Variants in ANK2 observed in about 807,000 individuals in gnomAD.
ANK2 encodes the protein ankyrin 2, also known as ankyrin-2.
In ANK2, 83 loss-of-function variants were observed where a neutral mutation model predicts 360.5. That is an observed-to-expected ratio of 0.23 (90% CI 0.19 to 0.28). The LOEUF is 0.28. Ranked by LOEUF, ANK2 falls within the 10% of genes least tolerant of loss-of-function variation. ANK2 has a pLI of 1.00. For synonymous variants in ANK2, 1,740 were observed against 1,759.5 expected, an observed-to-expected ratio of 0.99 and a Z score of 0.28; for missense variants, 4,201 against 4,795.7, an observed-to-expected ratio of 0.88 and a Z score of 3.66.
At chr4:113,044,157 G>A (rs1384061131) in intron 2 of ANK2, among the ~76,000 whole-genome samples, 1 of 152,162 alleles carries the variant, frequency 6.6e-6, no homozygotes, top group Non-Finnish European at 1.5e-5. Context: ...TAGGCTAGCT[G>A]TTTTCATAAA....
intron 2 of ANK2, among the ~76,000 whole-genome samples, chr4:113,043,470 T>A (rs921655799): frequency 1.3e-5 from 2 of 151,916 alleles, no homozygotes; most frequent in African/African-American, 2.4e-5. Context: ...AGGGTCTCAC[T>A]ATGTTGCTCA....
chr4:113,119,520 A>AT (rs2095188990), intron 1 of ANK2, among the ~76,000 whole-genome samples: 1 of 152,078 alleles, frequency 6.6e-6, no homozygotes, highest in Admixed American at 6.5e-5. Context: ...TCATGAAGAA[A>AT]TGAAAAAAAA....
chr4:113,296,711 G>T (rs533449912), intron 22 of ANK2, among the ~76,000 whole-genome samples: 22 of 152,224 alleles, frequency 1.4e-4, no homozygotes, highest in African/African-American at 5.3e-4. Context: ...GCATTCTCCT[G>T]GGATTACAAT....
At chr4:113,202,342 G>T (rs2098842121) in intron 4 of ANK2, among the ~76,000 whole-genome samples, 1 of 145,460 alleles carries the variant, frequency 6.9e-6, no homozygotes, top group African/African-American at 2.4e-5. Flanking sequence ...TGACAATATG[G>T]GGTGTCAAGT....
At chr4:113,209,633 C>T (rs2098998003) in intron 4 of ANK2, among the ~76,000 whole-genome samples, 1 of 151,940 alleles carries the variant, frequency 6.6e-6, no homozygotes, top group Admixed American at 6.5e-5. Flanking sequence ...TAAATCCTGA[C>T]CTCCCTGATG....
the ANK2 span, among the ~76,000 whole-genome samples, chr4:112,722,993 A>G: frequency 1.2e-4 from 19 of 152,120 alleles, no homozygotes; most frequent in Non-Finnish European, 1.6e-4. Context: ...AAAAAAGAGA[A>G]AAAAGTTCTC....
chr4:112,871,403 C>T (rs1294141202), intron 1 of ANK2, among the ~76,000 whole-genome samples: 1 of 152,248 alleles, frequency 6.6e-6, no homozygotes. Flanking sequence ...CCAGGCTGGT[C>T]GTGAACTTCC....
chr4:113,287,108 T>C (rs1444630295), intron 18 of ANK2, among the ~76,000 whole-genome samples: 1 of 152,252 alleles, frequency 6.6e-6, no homozygotes, highest in Non-Finnish European at 1.5e-5. Flanking sequence ...TCCTGAAAAG[T>C]ATACCCTCTT....
chr4:113,195,719 T>C (rs1333142838), intron 2 of ANK2, among the ~76,000 whole-genome samples: 1 of 152,214 alleles, frequency 6.6e-6, no homozygotes, highest in East Asian at 1.9e-4. Context: ...ATCCTTGTTT[T>C]GAAGATGAAG....
At chr4:112,999,823 G>C (rs1030363973) in intron 2 of ANK2, among the ~76,000 whole-genome samples, 5 of 152,060 alleles carry the variant, frequency 3.3e-5, no homozygotes, top group African/African-American at 9.7e-5. Flanking sequence ...AATTTGAGGA[G>C]GTGATATATA....
chr4:112,866,257 C>T (rs1409580984), intron 1 of ANK2, among the ~76,000 whole-genome samples: 1 of 152,138 alleles, frequency 6.6e-6, no homozygotes, highest in African/African-American at 2.4e-5. Context: ...CTTAAATCAA[C>T]ATGATACAAT....
At chr4:112,882,701 AT>A (rs58342870) in intron 1 of ANK2, among the ~76,000 whole-genome samples, 32,682 of 148,992 alleles carry the variant, frequency 0.22, 3,601 homozygotes, top group Middle Eastern at 0.24. Context: ...TAATAATAGA[AT>A]TTTTTTTTTT....
At chr4:113,317,594 G>C in intron 24 of ANK2, 113 bp from the exon 25 acceptor site, 1 of 773,804 alleles carries the variant, frequency 1.3e-6, no homozygotes, top group Non-Finnish European at 2.3e-6. Flanking sequence ...CCTGGAAGTT[G>C]TGCTGTTAGC....
chr4:113,058,767 T>C (rs575838432), intron 1 of ANK2, among the ~76,000 whole-genome samples: 19 of 152,292 alleles, frequency 1.2e-4, no homozygotes, highest in African/African-American at 4.1e-4. Flanking sequence ...GTATAGATAC[T>C]TTCCATTATT....
At chr4:113,102,796 C>T (rs971760253) in intron 1 of ANK2, among the ~76,000 whole-genome samples, 3 of 152,186 alleles carry the variant, frequency 2.0e-5, no homozygotes, top group East Asian at 1.9e-4. Flanking sequence ...CATACCTAGA[C>T]GGAACTGAAT....
rs573984647 is a variant in ANK2, at chr4:113,101,020, C to T, written c.84+51208C>T. Among the ~76,000 whole-genome samples, 47 of 152,056 alleles carry T rather than the reference C, an allele frequency of 3.1e-4. 1 individual carries two copies. The highest frequency in any genetic ancestry group is 1.1e-3 in the African/African-American group (46 of 41,506). ...ATGAAGCACAGGGAATTTTTAGGGTCGTGAAACTATTCTGTATGATCTTGT... is the reference window on the plus strand; with the variant it reads ...ATGAAGCACAGGGAATTTTTAGGGTTGTGAAACTATTCTGTATGATCTTGT... On this transcript the variant is annotated intron_variant, in intron 1 of 45. Coordinates refer to ENST00000357077, the MANE Select transcript of ANK2 (RefSeq NM_001148.6).
the ANK2 span, among the ~76,000 whole-genome samples, chr4:112,771,550 G>A: frequency 2.0e-5 from 3 of 151,746 alleles, no homozygotes; most frequent in Admixed American, 1.3e-4. Context: ...TATAATAGGA[G>A]GACAAAAGGG....
chr4:113,220,445 C>T (rs1043855716), intron 4 of ANK2, among the ~76,000 whole-genome samples: 1 of 152,132 alleles, frequency 6.6e-6, no homozygotes, highest in Non-Finnish European at 1.5e-5. Context: ...ATACCCACTT[C>T]TATAGCTTGG....
chr4:113,232,888 T>G (rs772823245), intron 5 of ANK2, among the ~76,000 whole-genome samples: 1 of 152,142 alleles, frequency 6.6e-6, no homozygotes, highest in Non-Finnish European at 1.5e-5. Flanking sequence ...TTATTCCATT[T>G]TCTTTGTATT....
Sources: allele counts gnomAD v4.1 joint callset (sites outside exome capture counted in the v4.1 genomes callset), GRCh38; gene constraint gnomAD v4.1.1; transcripts MANE v1.5; gene names NCBI Gene and HGNC (gene_info 2026-07-23, HGNC 2026-07-21).